Variants in OTUD7A observed in about 807,000 individuals in gnomAD.
OTUD7A encodes OTU domain-containing protein 7A.
In OTUD7A, 12 loss-of-function variants were observed where a neutral mutation model predicts 65.7. That is an observed-to-expected ratio of 0.18 (90% CI 0.12 to 0.30). The LOEUF is 0.30. Among genes scored for constraint, OTUD7A ranks in the 10% least tolerant of loss-of-function variants. The probability of loss-of-function intolerance (pLI) is 1.00; values close to 1 mark genes in which losing one functional copy is unlikely to be tolerated. For missense variants in OTUD7A, 1,148 were observed against 1,304.8 expected (o/e 0.88, Z 1.85); for synonymous variants, 641 against 586.3 (o/e 1.09, Z -1.35).
rs7164892 is a variant in OTUD7A, at chr15:31,487,860, C to T, written c.1172-294G>A. On this transcript the variant is annotated intron_variant, in intron 10 of 12. Coordinates refer to ENST00000307050, the MANE Select transcript of OTUD7A (RefSeq NM_001382637.1). The surrounding 1 kb of genome is among the most constrained non-coding windows in gnomAD (Gnocchi z 6.0). ...AGAATGGGAAAAAAGCTATTGCTGC[C>T]TCTGCTATTTCTAGGAAGGATCTAG... is the stretch of plus-strand genomic sequence containing the variant. 0.48 allele frequency among the ~76,000 whole-genome samples: 72,500 copies of T among 152,072 alleles called. 18,028 individuals are homozygous for T. Among genetic ancestry groups the T allele is most frequent in the African/African-American group, 0.62 (25,845 of 41,462 alleles).
At chr15:31,526,965 G>A (rs2042023324) in intron 7 of OTUD7A, among the ~76,000 whole-genome samples, 1 of 152,220 alleles carries the variant, frequency 6.6e-6, no homozygotes, top group Non-Finnish European at 1.5e-5. Flanking sequence ...GGAAGCACAA[G>A]TGGACGCATA....
chr15:31,767,923 A>G, intron 1 of OTUD7A: 1 of 1,535,042 alleles, frequency 6.5e-7, no homozygotes. Context: ...TATCATCAAC[A>G]TTTTCTGATC....
chr15:31,750,839 T>C (rs1894615012), intron 1 of OTUD7A, among the ~76,000 whole-genome samples: 1 of 152,180 alleles, frequency 6.6e-6, no homozygotes, highest in Non-Finnish European at 1.5e-5. Context: ...GACTCCCTTA[T>C]TCAACAAATG....
chr15:31,597,207 T>C (rs1299117529), intron 3 of OTUD7A, among the ~76,000 whole-genome samples: 1 of 152,174 alleles, frequency 6.6e-6, no homozygotes, highest in African/African-American at 2.4e-5. Flanking sequence ...GGATTATAGG[T>C]GTGAGCCACT....
intron 1 of OTUD7A, chr15:31,767,440 T>C (rs1595755570): frequency 1.0e-5 from 8 of 774,580 alleles, no homozygotes; most frequent in African/African-American, 1.0e-4. Context: ...ATATCATTGC[T>C]TCTTGGCCAA....
chr15:31,604,577 A>T (rs1485793045), intron 3 of OTUD7A, among the ~76,000 whole-genome samples: 1 of 152,168 alleles, frequency 6.6e-6, no homozygotes, highest in East Asian at 1.9e-4. Flanking sequence ...CATTCTGCAC[A>T]TGTACCCCAG....
intron 1 of OTUD7A, among the ~76,000 whole-genome samples, chr15:31,803,965 A>C (rs1032727667): frequency 6.6e-6 from 1 of 152,232 alleles, no homozygotes; most frequent in Non-Finnish European, 1.5e-5. Context: ...ATGATACCAG[A>C]TGACAAGCTT....
At chr15:31,816,924 CAT>C (rs1896564911) in intron 1 of OTUD7A, among the ~76,000 whole-genome samples, 1 of 152,182 alleles carries the variant, frequency 6.6e-6, no homozygotes. Flanking sequence ...AGGTGTCTGT[CAT>C]GTGACGGTAC....
At chr15:31,723,115 T>A (rs28415823) in intron 1 of OTUD7A, among the ~76,000 whole-genome samples, 1 of 149,954 alleles carries the variant, frequency 6.7e-6, no homozygotes. Flanking sequence ...GGCAAGGAGG[T>A]GAAGGAGGCA....
At chr15:31,671,382 G>T (rs1336876209) in intron 1 of OTUD7A, among the ~76,000 whole-genome samples, 1 of 152,140 alleles carries the variant, frequency 6.6e-6, no homozygotes, top group Admixed American at 6.6e-5. Context: ...CAGATGTGTG[G>T]TCTTATTTCC....
intron 1 of OTUD7A, among the ~76,000 whole-genome samples, chr15:31,668,884 C>T (rs1172473063): frequency 6.6e-6 from 1 of 152,208 alleles, no homozygotes; most frequent in Non-Finnish European, 1.5e-5. Flanking sequence ...ATAACTGTGG[C>T]TTCCTGCCAG....
chr15:31,622,169 C>T (rs1012732699), intron 3 of OTUD7A, among the ~76,000 whole-genome samples: 2 of 152,110 alleles, frequency 1.3e-5, no homozygotes, highest in Non-Finnish European at 2.9e-5. Context: ...GTAGGTAACC[C>T]GACTTTTCTT....
intron 1 of OTUD7A, among the ~76,000 whole-genome samples, chr15:31,699,807 G>A (rs559654693): frequency 3.4e-4 from 52 of 152,128 alleles, no homozygotes; most frequent in African/African-American, 1.2e-3. Context: ...AGACTTGTGA[G>A]CACTGTCCTT....
At chr15:31,702,578 A>G (rs1353224997) in intron 1 of OTUD7A, among the ~76,000 whole-genome samples, 3 of 151,428 alleles carry the variant, frequency 2.0e-5, no homozygotes, top group African/African-American at 7.3e-5. Context: ...GAACACCATA[A>G]AACATTAAAG....
At chr15:31,490,874 A>C (rs185438358) in intron 10 of OTUD7A, among the ~76,000 whole-genome samples, 14 of 152,254 alleles carry the variant, frequency 9.2e-5, no homozygotes, top group Admixed American at 8.5e-4. Flanking sequence ...CACTGGGTGC[A>C]CTAAGGGTCA....
intron 1 of OTUD7A, among the ~76,000 whole-genome samples, chr15:31,815,743 T>C (rs1004590284): frequency 1.4e-4 from 21 of 152,332 alleles, no homozygotes; most frequent in South Asian, 6.2e-4. Flanking sequence ...AAGCATAGCA[T>C]TGGAATCCCA....
chr15:31,534,460 A>G (rs1294812102), intron 5 of OTUD7A, among the ~76,000 whole-genome samples: 2 of 152,232 alleles, frequency 1.3e-5, no homozygotes, highest in African/African-American at 4.8e-5. Flanking sequence ...TAATGGTGAA[A>G]GACTGAATGC....
chr15:31,603,846 C>T (rs554084511), intron 3 of OTUD7A, among the ~76,000 whole-genome samples: 2 of 152,148 alleles, frequency 1.3e-5, no homozygotes, highest in African/African-American at 4.8e-5. Context: ...TGAAAAAAAG[C>T]TCATCATCAC....
At chr15:31,817,554 A>C (rs1896582209) in intron 1 of OTUD7A, among the ~76,000 whole-genome samples, 2 of 152,294 alleles carry the variant, frequency 1.3e-5, no homozygotes, top group South Asian at 4.2e-4. Context: ...TGAAAAACCC[A>C]AGGCTTTTGT....
Sources: allele counts gnomAD v4.1 joint callset (sites outside exome capture counted in the v4.1 genomes callset), GRCh38; gene constraint gnomAD v4.1.1; non-coding constraint Gnocchi (gnomAD v3.1); transcripts MANE v1.5; gene names NCBI Gene and HGNC (gene_info 2026-07-23, HGNC 2026-07-21).